Variants in RAB6A observed in about 807,000 individuals in gnomAD.
RAB6A encodes the protein ras-related protein Rab-6A.
In RAB6A, 8 loss-of-function variants were observed where a neutral mutation model predicts 32.3. The observed-to-expected ratio is 0.25, with a 90% CI of 0.15 to 0.45. RAB6A has a LOEUF of 0.45. Among genes scored for constraint, RAB6A ranks in the 20% least tolerant of loss-of-function variants. The probability of loss-of-function intolerance (pLI) is 1.00; values close to 1 mark genes in which losing one functional copy is unlikely to be tolerated. For synonymous variants in RAB6A, 73 were observed against 82.1 expected (o/e 0.89, Z 0.60); for missense variants, 104 against 249.4 (o/e 0.42, Z 3.93).
intron 6 of RAB6A, among the ~76,000 whole-genome samples, chr11:73,695,932 A>T (rs1028613830): frequency 2.0e-5 from 3 of 152,118 alleles, no homozygotes; most frequent in Admixed American, 1.3e-4. Context: ...AGGGCTAAAA[A>T]TTTTTTTAGG....
At chr11:73,700,914 T>A (rs1191875087) in intron 6 of RAB6A, among the ~76,000 whole-genome samples, 1 of 152,136 alleles carries the variant, frequency 6.6e-6, no homozygotes. Flanking sequence ...CAAAGTAGTA[T>A]TATTGGGTAA....
chr11:73,747,189 C>A (rs577140665), intron 1 of RAB6A, among the ~76,000 whole-genome samples: 11 of 150,530 alleles, frequency 7.3e-5, no homozygotes, highest in African/African-American at 2.7e-4. Flanking sequence ...TACCTGGCTT[C>A]CTCTAAGACA....
intron 6 of RAB6A, among the ~76,000 whole-genome samples, chr11:73,697,712 C>G (rs546525470): frequency 3.8e-4 from 58 of 152,266 alleles, no homozygotes; most frequent in African/African-American, 1.4e-3. Flanking sequence ...AATTGTCTAA[C>G]TCTCCATACC....
chr11:73,703,484 G>A (rs1164484883), intron 6 of RAB6A, among the ~76,000 whole-genome samples: 2 of 152,240 alleles, frequency 1.3e-5, no homozygotes, highest in Non-Finnish European at 2.9e-5. Context: ...GCTCACGCCT[G>A]TAATCTCAGC....
intron 1 of RAB6A, among the ~76,000 whole-genome samples, chr11:73,751,573 G>A (rs1379567366): frequency 6.6e-6 from 1 of 152,126 alleles, no homozygotes; most frequent in Non-Finnish European, 1.5e-5. Context: ...TTAACAAGTA[G>A]ATTAACACTC....
intron 6 of RAB6A, among the ~76,000 whole-genome samples, chr11:73,689,921 C>G (rs544565083): frequency 6.6e-6 from 1 of 150,782 alleles, no homozygotes; most frequent in Admixed American, 6.6e-5. Context: ...AAAAAAAGAC[C>G]GACTCAGGCA....
chr11:73,691,517 A>G (rs1487327333), intron 6 of RAB6A, among the ~76,000 whole-genome samples: 4 of 152,128 alleles, frequency 2.6e-5, no homozygotes, highest in Non-Finnish European at 5.9e-5. Context: ...GTAATAGCCT[A>G]TTTTTACTTC....
intron 6 of RAB6A, among the ~76,000 whole-genome samples, chr11:73,692,502 CAAA>C (rs34201129): frequency 8.9e-5 from 5 of 56,422 alleles, no homozygotes; most frequent in Non-Finnish European, 1.6e-4. Context: ...GACTCTGTCT[CAAA>C]AAAAAAAAAA....
intron 6 of RAB6A, among the ~76,000 whole-genome samples, chr11:73,689,316 G>A (rs575224782): frequency 6.6e-6 from 1 of 152,278 alleles, no homozygotes; most frequent in East Asian, 1.9e-4. Context: ...TGTAAGGAGT[G>A]TGCAACCTAG....
rs1946055362 is a variant in RAB6A at position 73,716,482 on chromosome 11, CT to C, written c.290-121del. On this transcript the variant is annotated intron_variant, in intron 4 of 7. Coordinates refer to ENST00000336083, the MANE Select transcript of RAB6A (RefSeq NM_198896.2). ...AGGGGGCTGGCACATTAGTACCCCA[CT>C]TTTAATGTGCCTGCAACATAACTCC... 4 of 601,668 alleles carry C rather than the reference CT, an allele frequency of 6.6e-6. No individual in the cohort carries two copies. In the East Asian group the frequency reaches 1.1e-4, roughly 17 times the overall value. 37.3% of individuals were successfully genotyped at this position (601,668 alleles called of 1,614,324 possible).
Position 73,677,131 on chromosome 11 carries a change from C to CAG in RAB6A, c.*765_*766dup, listed in dbSNP as rs1472382789. On this transcript the variant is annotated 3_prime_UTR_variant, in exon 8 of 8. Transcript: ENST00000336083. ...GAAGCACTTGGTTAATTTTCTCTCC[C>CAG]AGAGTCTAATAAAGCACATGTGAAA... The CAG allele has an allele frequency of 1.8e-5, 3 of 167,050 alleles. No homozygotes were observed. Among genetic ancestry groups the CAG allele is most frequent in the Non-Finnish European group, 4.4e-5 (3 of 68,118 alleles). 10.3% of individuals were successfully genotyped at this position (167,050 alleles called of 1,614,324 possible).
At chr11:73,692,303 G>C (rs541706703) in intron 6 of RAB6A, among the ~76,000 whole-genome samples, 1 of 151,748 alleles carries the variant, frequency 6.6e-6, no homozygotes, top group East Asian at 2.0e-4. Context: ...AGGAGATCAA[G>C]ACCATCCTGG....
Position 73,679,658 on chromosome 11 carries a change from T to A in RAB6A, c.558A>T (p.Glu186Asp), listed in dbSNP as rs1336174511. Residue 186 changes from glutamate to aspartate, a missense_variant, in exon 7 of 8, where the codon GAA (glutamate) becomes GAT (aspartate). Around this residue, in one of 4 missense-constraint regions of RAB6A, gnomAD observed 33 missense variants for 59.5 expected, o/e 0.55. Transcript: ENST00000336083. The part of the protein sequence containing the change: ...GMESTQDRSR[E>D]DMIDIKLEKP... ...CCAATGAAATAAAAAGGATACTATC[T>A]TCTCTGCTTCTGTCCTGTGTGCTTT... The A allele has an allele frequency of 6.2e-7, 1 of 1,614,058 alleles. No homozygotes were observed.
At chr11:73,714,203 A>T (rs1209468041) in intron 5 of RAB6A, among the ~76,000 whole-genome samples, 5 of 62,610 alleles carry the variant, frequency 8.0e-5, no homozygotes, top group African/African-American at 1.1e-4. Flanking sequence ...AAAAAAAAAA[A>T]AAAAAAATAT....
intron 1 of RAB6A, among the ~76,000 whole-genome samples, chr11:73,742,609 C>G (rs959016104): frequency 2.3e-4 from 35 of 151,884 alleles, no homozygotes; most frequent in South Asian, 2.1e-4. Context: ...GTCAGGAGTT[C>G]AAGACCAGCC....
At chr11:73,728,664 T>C (rs1369312816) in intron 2 of RAB6A, among the ~76,000 whole-genome samples, 4 of 121,278 alleles carry the variant, frequency 3.3e-5, no homozygotes, top group Non-Finnish European at 7.4e-5. Context: ...ATAAAAATAA[T>C]AGTGTATATC....
chr11:73,744,060 C>G (rs1021773856), intron 1 of RAB6A, among the ~76,000 whole-genome samples: 3 of 151,926 alleles, frequency 2.0e-5, no homozygotes, highest in African/African-American at 7.3e-5. Context: ...TTAAACTGGA[C>G]GGGCGCAGTG....
intron 1 of RAB6A, among the ~76,000 whole-genome samples, chr11:73,739,284 A>AATATATATATATAT (rs1555066941): frequency 4.4e-4 from 3 of 6,762 alleles, no homozygotes; most frequent in African/African-American, 6.5e-4. Flanking sequence ...AAAAAAAAAA[A>AATATATATATATAT]ATATATATAT....
At chr11:73,716,081 C>T (rs4944860) in intron 5 of RAB6A, among the ~76,000 whole-genome samples, 170 bp downstream of exon 5, 1 of 152,164 alleles carries the variant, frequency 6.6e-6, no homozygotes. Flanking sequence ...TAAGGACTGG[C>T]TGTTTAATAT....
Sources: gnomAD v4.1 joint callset for allele counts (sites outside exome capture counted in the v4.1 genomes callset) on GRCh38, gnomAD v4.1.1 for gene constraint, gnomAD v4.1.1 regional missense constraint, MANE v1.5 for transcripts, NCBI Gene and HGNC (gene_info 2026-07-23, HGNC 2026-07-21) for gene names.